Variants in SMPD3 observed in about 807,000 individuals in gnomAD.
SMPD3 encodes sphingomyelin phosphodiesterase 3, also known as nSMase-2.
In SMPD3, 21 loss-of-function variants were observed where a neutral mutation model predicts 55.7. That is an observed-to-expected ratio of 0.38 (90% CI 0.27 to 0.54). The LOEUF is 0.54. Among genes scored for constraint, SMPD3 ranks in the 20% least tolerant of loss-of-function variants. The pLI is 0.80. For synonymous variants in SMPD3, 457 were observed against 404.3 expected (o/e 1.13, Z -1.56); for missense variants, 842 against 899.6 (o/e 0.94, Z 0.82).
chr16:68,446,704 G>T (rs1365294309), intron 1 of SMPD3, among the ~76,000 whole-genome samples: 2 of 152,226 alleles, frequency 1.3e-5, no homozygotes, highest in African/African-American at 4.8e-5. Flanking sequence ...CTGATGGGGC[G>T]TGGGAGGGTC....
intron 6 of SMPD3, 82 bp downstream of exon 6, chr16:68,363,695 C>G: frequency 6.8e-7 from 1 of 1,467,702 alleles, no homozygotes; most frequent in Non-Finnish European, 9.3e-7. Flanking sequence ...GCAGTGGGGT[C>G]TTGTGGGGTA....
At chr16:68,427,424 C>T (rs963217849) in intron 1 of SMPD3, among the ~76,000 whole-genome samples, 13 of 152,166 alleles carry the variant, frequency 8.5e-5, no homozygotes, top group Non-Finnish European at 1.8e-4. Flanking sequence ...AATTGGGACC[C>T]TAAGACATCT....
intron 7 of SMPD3, among the ~76,000 whole-genome samples, 180 bp downstream of exon 7, chr16:68,363,316 A>C (rs1865979605): frequency 6.6e-6 from 1 of 152,124 alleles, no homozygotes. Context: ...CGTGAGGTCT[A>C]CCTGCCTGGC....
intron 1 of SMPD3, among the ~76,000 whole-genome samples, chr16:68,405,633 A>G (rs2090248968): frequency 6.6e-6 from 1 of 151,896 alleles, no homozygotes. Flanking sequence ...TGCCCCCATC[A>G]TGGGCCTCAC....
At chr16:68,386,953 G>C (rs952189369) in intron 1 of SMPD3, among the ~76,000 whole-genome samples, 1 of 152,194 alleles carries the variant, frequency 6.6e-6, no homozygotes, top group Non-Finnish European at 1.5e-5. Flanking sequence ...AGCCCTCCAC[G>C]TCGACACTGG....
intron 1 of SMPD3, among the ~76,000 whole-genome samples, chr16:68,398,369 TC>T (rs2090178244): frequency 6.6e-6 from 1 of 152,182 alleles, no homozygotes. Context: ...TACGTGGCAG[TC>T]CCCGGGATGA....
At position 68,447,502 on chromosome 16, in the gene SMPD3, T is replaced by A. The variant is rs890567069; in HGVS notation, c.-269+851A>T. ...GAGGGCCTGGGAGATAAGGCCCAGG[T>A]GGGGAGAGGTGGGGAGGGGTCCCTC... On this transcript the variant is annotated intron_variant, in intron 1 of 8. Coordinates refer to ENST00000219334, the MANE Select transcript of SMPD3 (RefSeq NM_018667.4). The surrounding 1 kb of genome is among the most constrained non-coding windows in gnomAD (Gnocchi z 5.1). Among the ~76,000 whole-genome samples, 4 of 151,826 alleles carry A rather than the reference T, an allele frequency of 2.6e-5. No individual in the cohort carries two copies. Among genetic ancestry groups the A allele is most frequent in the Non-Finnish European group, 4.4e-5 (3 of 67,928 alleles).
intron 1 of SMPD3, among the ~76,000 whole-genome samples, chr16:68,413,164 C>T (rs185472974): frequency 6.6e-5 from 10 of 152,328 alleles, no homozygotes; most frequent in South Asian, 2.1e-4. Context: ...GCCTGAGTTT[C>T]GGTGATGTTT....
chr16:68,440,464 G>T (rs1738261620), intron 1 of SMPD3, among the ~76,000 whole-genome samples: 1 of 152,224 alleles, frequency 6.6e-6, no homozygotes, highest in African/African-American at 2.4e-5. Context: ...ACCTCTCAAA[G>T]TGCTGGGATT....
At chr16:68,426,030 T>C (rs1351472950) in intron 1 of SMPD3, among the ~76,000 whole-genome samples, 1 of 152,146 alleles carries the variant, frequency 6.6e-6, no homozygotes, top group African/African-American at 2.4e-5. Flanking sequence ...TGGGCTAGAT[T>C]TTCCTCAAGG....
At chr16:68,367,132 C>T (rs913847589) in intron 3 of SMPD3, among the ~76,000 whole-genome samples, 3 of 152,154 alleles carry the variant, frequency 2.0e-5, no homozygotes, top group African/African-American at 7.2e-5. Flanking sequence ...CGCCCCATTG[C>T]ACCACTCTGG....
intron 3 of SMPD3, among the ~76,000 whole-genome samples, chr16:68,370,459 T>G (rs1229339446): frequency 6.6e-6 from 1 of 152,126 alleles, no homozygotes; most frequent in Non-Finnish European, 1.5e-5. Context: ...CTACCTCCTG[T>G]TCTTCCTCAC....
intron 1 of SMPD3, among the ~76,000 whole-genome samples, chr16:68,426,991 C>CTTTT (rs56214206): frequency 8.4e-4 from 94 of 112,098 alleles, no homozygotes; most frequent in African/African-American, 9.3e-4. Context: ...TCAGGTCTAT[C>CTTTT]TTTTTTTTTT....
intron 3 of SMPD3, chr16:68,369,916 C>T (rs2151980930): frequency 6.6e-6 from 1 of 152,356 alleles, no homozygotes; most frequent in Middle Eastern, 3.4e-3. Flanking sequence ...GTGAGGAAAC[C>T]TGCCCTAGGC....
chr16:68,401,131 C>T (rs924396996), intron 1 of SMPD3, among the ~76,000 whole-genome samples: 9 of 152,186 alleles, frequency 5.9e-5, no homozygotes, highest in African/African-American at 1.9e-4. Context: ...CCGTGAGTGT[C>T]AGAACTGGGA....
intron 1 of SMPD3, among the ~76,000 whole-genome samples, chr16:68,423,897 G>C (rs2090415621): frequency 6.6e-6 from 1 of 152,064 alleles, no homozygotes; most frequent in Admixed American, 6.5e-5. Flanking sequence ...TGAGGAGGCG[G>C]TGATGTCACC....
chr16:68,361,419 C>A (rs891818363), intron 8 of SMPD3, 112 bp from the exon 9 acceptor site: 3 of 1,376,454 alleles, frequency 2.2e-6, no homozygotes, highest in Non-Finnish European at 3.0e-6. Flanking sequence ...TGGGCTGGGA[C>A]CTTCCTGCAG....
At chr16:68,402,203 C>T (rs983671610) in intron 1 of SMPD3, among the ~76,000 whole-genome samples, 1 of 152,126 alleles carries the variant, frequency 6.6e-6, no homozygotes, top group East Asian at 1.9e-4. Context: ...AGTATTCTGC[C>T]TCCCTGATTG....
chr16:68,362,881 ATAATC>A (rs1037309745), intron 7 of SMPD3, among the ~76,000 whole-genome samples: 6 of 152,244 alleles, frequency 3.9e-5, no homozygotes, highest in African/African-American at 7.2e-5. Context: ...AATTTAGTCT[ATAATC>A]TAATTAATTG....
Sources: gnomAD v4.1 joint callset for allele counts (sites outside exome capture counted in the v4.1 genomes callset) on GRCh38, gnomAD v4.1.1 for gene constraint, Gnocchi (gnomAD v3.1) non-coding constraint, MANE v1.5 for transcripts, NCBI Gene and HGNC (gene_info 2026-07-23, HGNC 2026-07-21) for gene names.